The following NRG3 variants were observed in gnomAD, a reference collection of about 807,000 sequenced individuals.
NRG3 encodes the protein pro-neuregulin-3, membrane-bound isoform.
Under a neutral mutation model 66.9 loss-of-function variants are expected in NRG3, and 31 were observed. The observed-to-expected ratio is 0.46, with a 90% CI of 0.35 to 0.63. The LOEUF (loss-of-function observed/expected upper bound fraction) is 0.63, where lower values mean the gene tolerates loss of function less well. NRG3 is among the 20% of genes least tolerant of loss of function. The pLI is 0.00. For synonymous variants in NRG3, 393 were observed against 359.4 expected (o/e 1.09, Z -1.06); for missense variants, 910 against 878.9 (o/e 1.04, Z -0.45).
chr10:82,222,140 T>C (rs1288767967), intron 1 of NRG3, among the ~76,000 whole-genome samples: 5 of 152,046 alleles, frequency 3.3e-5, no homozygotes, highest in African/African-American at 1.2e-4. Flanking sequence ...GCCCATTACA[T>C]TTTATGTCAA....
intron 3 of NRG3, among the ~76,000 whole-genome samples, chr10:82,785,025 A>G (rs914170107): frequency 1.3e-5 from 2 of 152,212 alleles, no homozygotes; most frequent in Non-Finnish European, 2.9e-5. Context: ...CTATGCAGCC[A>G]TAAAAATGAT....
intron 1 of NRG3, among the ~76,000 whole-genome samples, chr10:82,206,778 G>A (rs565372809): frequency 6.6e-6 from 1 of 152,186 alleles, no homozygotes; most frequent in African/African-American, 2.4e-5. Flanking sequence ...TTCTTTATCA[G>A]GATATTCCTT....
At chr10:82,854,389 C>A (rs2063708196) in intron 3 of NRG3, among the ~76,000 whole-genome samples, 2 of 152,056 alleles carry the variant, frequency 1.3e-5, no homozygotes, top group African/African-American at 2.4e-5. Flanking sequence ...GTACAGGGTT[C>A]TATTTCGGGG....
rs146025651 is a variant in NRG3, at chr10:82,057,665, A to G, written c.823+181502A>G. On this transcript the variant is annotated intron_variant, in intron 1 of 8. Coordinates refer to ENST00000372141, the MANE Select transcript of NRG3 (RefSeq NM_001010848.4). Reference sequence around the variant, plus strand: ...ACAAGGGTATGATAAATTTTGTTTCAAACATGAGGGCAAATTTTTGTTTAA... The same window carrying G: ...ACAAGGGTATGATAAATTTTGTTTCGAACATGAGGGCAAATTTTTGTTTAA... Among the ~76,000 whole-genome samples the G allele has an allele frequency of 1.7e-3, 263 of 152,004 alleles. 1 individual carries two copies. The highest frequency in any genetic ancestry group is 6.1e-3 in the African/African-American group (253 of 41,552).
At chr10:82,708,914 C>T (rs1241137620) in intron 2 of NRG3, among the ~76,000 whole-genome samples, 1 of 151,974 alleles carries the variant, frequency 6.6e-6, no homozygotes, top group Non-Finnish European at 1.5e-5. Flanking sequence ...TTTCTTGGTG[C>T]TCATATATCT....
intron 1 of NRG3, among the ~76,000 whole-genome samples, chr10:81,995,813 A>T (rs2060918197): frequency 6.6e-6 from 1 of 152,108 alleles, no homozygotes; most frequent in African/African-American, 2.4e-5. Context: ...CTGGTTCTTC[A>T]TCAGTACCTT....
intron 2 of NRG3, among the ~76,000 whole-genome samples, chr10:82,572,535 T>G (rs990039863): frequency 5.3e-5 from 8 of 151,748 alleles, no homozygotes; most frequent in African/African-American, 1.7e-4. Flanking sequence ...CTCAAACATA[T>G]TTTATATGCT....
intron 1 of NRG3, among the ~76,000 whole-genome samples, chr10:82,193,859 A>G (rs1221385193): frequency 6.6e-6 from 1 of 152,194 alleles, no homozygotes; most frequent in Non-Finnish European, 1.5e-5. Context: ...ATAAATGTTG[A>G]GGCTTAACGG....
chr10:82,185,499 G>C (rs1481642673), intron 1 of NRG3, among the ~76,000 whole-genome samples: 3 of 152,148 alleles, frequency 2.0e-5, no homozygotes, highest in Admixed American at 2.0e-4. Flanking sequence ...TTTGTTGATA[G>C]TGAAAACAAT....
chr10:82,170,785 G>T (rs1319763631), intron 1 of NRG3, among the ~76,000 whole-genome samples: 1 of 147,264 alleles, frequency 6.8e-6, no homozygotes, highest in Admixed American at 6.9e-5. Context: ...ATTGCCATTC[G>T]ATTGCCAGCC....
At chr10:82,503,377 G>A (rs571700520) in intron 2 of NRG3, among the ~76,000 whole-genome samples, 2 of 152,136 alleles carry the variant, frequency 1.3e-5, no homozygotes, top group Admixed American at 6.6e-5. Context: ...CTGAGAGAAG[G>A]AACTTTGGTA....
intron 1 of NRG3, among the ~76,000 whole-genome samples, chr10:82,311,189 G>A (rs1421232009): frequency 6.6e-6 from 1 of 152,234 alleles, no homozygotes; most frequent in Non-Finnish European, 1.5e-5. Flanking sequence ...TACTCTCTGA[G>A]TTGCCTAGTA....
Position 82,393,440 on chromosome 10 carries a change from A to G in NRG3, c.953+34572A>G, listed in dbSNP as rs558021406. On this transcript the variant is annotated intron_variant, in intron 2 of 8. Coordinates refer to ENST00000372141, the MANE Select transcript of NRG3 (RefSeq NM_001010848.4). ...TAGGCTGTTCCAATATGACTGATTG[A>G]CATGGACTGACTGACAGAAAGGATT... 1.6e-4 allele frequency among the ~76,000 whole-genome samples: 24 copies of G among 152,286 alleles called. 1 individual carries two copies. The highest frequency in any genetic ancestry group is 1.6e-3 in the Admixed American group (24 of 15,288).
intron 1 of NRG3, among the ~76,000 whole-genome samples, chr10:82,196,298 G>A (rs2074444274): frequency 6.6e-6 from 1 of 152,110 alleles, no homozygotes; most frequent in South Asian, 2.1e-4. Flanking sequence ...CTGACATTTG[G>A]GGTAGTAACA....
At chr10:82,206,753 G>T (rs138732978) in intron 1 of NRG3, among the ~76,000 whole-genome samples, 2 of 152,140 alleles carry the variant, frequency 1.3e-5, no homozygotes, top group African/African-American at 4.8e-5. Context: ...TCTCTATTTA[G>T]TAATTCTATG....
intron 2 of NRG3, among the ~76,000 whole-genome samples, chr10:82,717,490 C>T (rs925266725): frequency 6.8e-6 from 1 of 146,824 alleles, no homozygotes; most frequent in African/African-American, 2.5e-5. Context: ...AGCTCTGCCT[C>T]CCAGGTTCAC....
intron 4 of NRG3, among the ~76,000 whole-genome samples, chr10:82,872,734 A>C (rs1427986737): frequency 6.6e-6 from 1 of 150,446 alleles, no homozygotes; most frequent in African/African-American, 2.4e-5. Flanking sequence ...TACGATATGA[A>C]AAAAAAAAAG....
Position 82,979,072 on chromosome 10 carries a change from A to G in NRG3, c.1535A>G (p.Gln512Arg). The change falls in exon 8 of 9, where the codon CAA (glutamine) becomes CGA (arginine). Residue 512 changes from glutamine (Q) to arginine (R), a missense_variant. Coordinates refer to ENST00000372141, the MANE Select transcript of NRG3 (RefSeq NM_001010848.4). ...GGAATTGTGGGACCAGCATATCAGC[A>G]ACTCGAAGAATCAAGGATCCCAGAC... is the stretch of plus-strand genomic sequence containing the variant. ...LGGIVGPAYQQLEESRIPDQD... is the reference protein window; with the variant it reads ...LGGIVGPAYQRLEESRIPDQD... 1 of 1,614,124 alleles carries G rather than the reference A, an allele frequency of 6.2e-7. No homozygotes were observed. The highest frequency in any genetic ancestry group is 8.5e-7 in the Non-Finnish European group (1 of 1,179,988).
At chr10:82,182,102 GT>G (rs145542042) in intron 1 of NRG3, among the ~76,000 whole-genome samples, 3,660 of 149,442 alleles carry the variant, frequency 0.024, 79 homozygotes, top group South Asian at 0.065. Context: ...AATGGAACAT[GT>G]TTTTTTTTCC....
Sources: gnomAD v4.1 joint callset for allele counts (sites outside exome capture counted in the v4.1 genomes callset) on GRCh38, gnomAD v4.1.1 for gene constraint, MANE v1.5 for transcripts, NCBI Gene and HGNC (gene_info 2026-07-23, HGNC 2026-07-21) for gene names.